The following RIMS1 variants were observed in gnomAD, a reference collection of about 807,000 sequenced individuals.
The protein encoded by RIMS1 is regulating synaptic membrane exocytosis 1.
In RIMS1, 83 loss-of-function variants were observed where a neutral mutation model predicts 214.1. The ratio of observed to expected loss-of-function variants is 0.39; its 90% CI spans 0.32 to 0.47. The LOEUF is 0.47. Ranked by LOEUF, RIMS1 falls within the 20% of genes least tolerant of loss-of-function variation. RIMS1 has a pLI of 0.99. For synonymous variants in RIMS1, 793 were observed against 786.8 expected (o/e 1.01, Z -0.13); for missense variants, 2,050 against 2,161.8 (o/e 0.95, Z 1.03).
At chr6:71,960,409 A>C (rs187836288) in intron 1 of RIMS1, among the ~76,000 whole-genome samples, 8 of 152,302 alleles carry the variant, frequency 5.3e-5, no homozygotes, top group Non-Finnish European at 1.0e-4. Context: ...AAGATAACCT[A>C]TGTTAGTTCC....
intron 6 of RIMS1, among the ~76,000 whole-genome samples, chr6:72,196,705 A>C (rs55786736): frequency 0.18 from 27,529 of 150,806 alleles, 3,047 homozygotes; most frequent in Non-Finnish European, 0.25. Context: ...AAATACTCAT[A>C]AAAGTGATGA....
intron 29 of RIMS1, among the ~76,000 whole-genome samples, chr6:72,368,643 G>A (rs947940752): frequency 1.4e-4 from 22 of 152,036 alleles, no homozygotes; most frequent in African/African-American, 5.3e-4. Context: ...TGAAGATGCG[G>A]TAAGCACGAG....
chr6:72,046,252 G>T (rs1822999263), intron 2 of RIMS1, among the ~76,000 whole-genome samples: 1 of 151,976 alleles, frequency 6.6e-6, no homozygotes, highest in Non-Finnish European at 1.5e-5. Context: ...AGAAAGTGCT[G>T]CCTGGTGCTG....
chr6:71,943,220 T>C (rs1036877539), intron 1 of RIMS1, among the ~76,000 whole-genome samples: 4 of 152,184 alleles, frequency 2.6e-5, no homozygotes, highest in Non-Finnish European at 5.9e-5. Flanking sequence ...ATTTTAACTA[T>C]AATTTTCTAA....
In RIMS1 at chr6:72,313,741, G is replaced by A. The variant is rs1740485894; in HGVS notation, c.4130+69G>A. On this transcript the variant is annotated intron_variant, in intron 28 of 33. Transcript: ENST00000521978. Reference sequence around the variant, plus strand: ...GATATAAAAATACAACTAGCTTCCTGAATATTTTTTCTATAATACAGTTTA... The same window carrying A: ...GATATAAAAATACAACTAGCTTCCTAAATATTTTTTCTATAATACAGTTTA... The A allele has an allele frequency of 3.5e-6, 5 of 1,449,078 alleles. 1 individual carries two copies. In the South Asian group the frequency reaches 6.9e-5, roughly 20 times the overall value. The allele number at this position is 1,449,078 out of a possible 1,614,324, so 89.8% of individuals were successfully genotyped here.
chr6:72,398,402 A>G (rs916019513), intron 32 of RIMS1, 52 bp downstream of exon 32: 4 of 1,022,558 alleles, frequency 3.9e-6, no homozygotes, highest in African/African-American at 3.2e-5. Context: ...ATAGGCAAAC[A>G]AATAAAAACA....
intron 2 of RIMS1, among the ~76,000 whole-genome samples, chr6:72,095,206 G>A (rs934422717): frequency 6.3e-4 from 89 of 141,922 alleles, no homozygotes; most frequent in African/African-American, 2.0e-3. Flanking sequence ...CTCATGATCC[G>A]CCTGCCTCGG....
chr6:72,242,073 T>C (rs2067195314), intron 9 of RIMS1, among the ~76,000 whole-genome samples: 1 of 152,080 alleles, frequency 6.6e-6, no homozygotes, highest in Non-Finnish European at 1.5e-5. Flanking sequence ...AGTTTTGTAT[T>C]GTACTGTTTC....
chr6:72,048,327 C>T (rs542431893), intron 2 of RIMS1, among the ~76,000 whole-genome samples: 10 of 152,242 alleles, frequency 6.6e-5, no homozygotes, highest in East Asian at 1.9e-4. Context: ...TTTCTTCCAA[C>T]GAAGTTCCTT....
chr6:72,147,517 G>A (rs1017427963), intron 4 of RIMS1, among the ~76,000 whole-genome samples: 1 of 152,164 alleles, frequency 6.6e-6, no homozygotes, highest in Non-Finnish European at 1.5e-5. Flanking sequence ...CCAACACAGG[G>A]TCAGTGGCAC....
chr6:72,324,671 C>T (rs1006725991), intron 28 of RIMS1, among the ~76,000 whole-genome samples: 2 of 151,842 alleles, frequency 1.3e-5, no homozygotes, highest in African/African-American at 4.8e-5. Flanking sequence ...ATATTGTAAA[C>T]AACTTACGAT....
chr6:72,155,744 G>A (rs2044354467), intron 4 of RIMS1, among the ~76,000 whole-genome samples: 1 of 140,278 alleles, frequency 7.1e-6, no homozygotes, highest in African/African-American at 2.5e-5. Flanking sequence ...GGAAAGACCT[G>A]ACCCCATAAT....
At chr6:72,385,934 A>G (rs2098593467) in intron 29 of RIMS1, among the ~76,000 whole-genome samples, 1 of 152,224 alleles carries the variant, frequency 6.6e-6, no homozygotes, top group South Asian at 2.1e-4. Flanking sequence ...ATATTTATTT[A>G]TATGAATAAG....
chr6:72,337,792 C>T (rs1345360253), intron 29 of RIMS1, among the ~76,000 whole-genome samples: 1 of 141,522 alleles, frequency 7.1e-6, no homozygotes, highest in Admixed American at 7.5e-5. Flanking sequence ...TTCCTTTGTC[C>T]ACGTGTTCTC....
intron 29 of RIMS1, among the ~76,000 whole-genome samples, chr6:72,379,504 A>C (rs1466270871): frequency 6.6e-6 from 1 of 152,250 alleles, no homozygotes; most frequent in African/African-American, 2.4e-5. Flanking sequence ...ATTTTACGGC[A>C]TTCTAAATAG....
chr6:72,149,243 T>C (rs569499466), intron 4 of RIMS1, among the ~76,000 whole-genome samples: 17 of 152,280 alleles, frequency 1.1e-4, no homozygotes, highest in African/African-American at 3.4e-4. Context: ...GTAATATCTG[T>C]GTAGTTTGCA....
chr6:72,289,834 T>C (rs2093048818), intron 24 of RIMS1, among the ~76,000 whole-genome samples: 1 of 152,140 alleles, frequency 6.6e-6, no homozygotes, highest in Admixed American at 6.5e-5. Context: ...TAATACCTGC[T>C]AGGTGTTTTA....
At position 72,158,738 on chromosome 6, in the gene RIMS1, C is replaced by A. The variant is rs1303306397; in HGVS notation, c.472-20837C>A. Among the ~76,000 whole-genome samples the A allele has an allele frequency of 1.4e-5, 2 of 139,622 alleles. 1 individual carries two copies. The highest frequency in any genetic ancestry group is 3.2e-5 in the Non-Finnish European group (2 of 61,582). The allele number at this position is 139,622 out of a possible 152,430, so 91.6% of individuals were successfully genotyped here. ...TCCATGTCCCTACAAAGGACATGAA[C>A]TCATCATTTTTATGGCTGCATAGTA... is the stretch of plus-strand genomic sequence containing the variant. On this transcript the variant is annotated intron_variant, in intron 4 of 33. Transcript: ENST00000521978.
intron 1 of RIMS1, among the ~76,000 whole-genome samples, chr6:71,948,805 G>A (rs576983717): frequency 1.8e-4 from 27 of 152,176 alleles, no homozygotes; most frequent in South Asian, 8.3e-4. Context: ...AGTGACCTGC[G>A]AACTCCTCTG....
Sources: allele counts gnomAD v4.1 joint callset (sites outside exome capture counted in the v4.1 genomes callset), GRCh38; gene constraint gnomAD v4.1.1; transcripts MANE v1.5; gene names NCBI Gene and HGNC (gene_info 2026-07-23, HGNC 2026-07-21).